Variants in MARCHF1 observed in about 807,000 individuals in gnomAD.
MARCHF1 encodes E3 ubiquitin-protein ligase MARCHF1.
A neutral mutation model predicts 54.2 loss-of-function variants in MARCHF1; 40 were observed. The observed-to-expected ratio is 0.74, with a 90% CI of 0.57 to 0.96. The LOEUF (loss-of-function observed/expected upper bound fraction) is 0.96, where lower values mean the gene tolerates loss of function less well. MARCHF1 is among the 40% of genes least tolerant of loss of function. The probability of loss-of-function intolerance (pLI) is 0.00; values close to 1 mark genes in which losing one functional copy is unlikely to be tolerated. For synonymous variants in MARCHF1, 236 were observed against 236.3 expected (o/e 1.00, Z 0.01); for missense variants, 586 against 656.5 (o/e 0.89, Z 1.17).
At chr4:163,699,242 C>A (rs966148011) in intron 5 of MARCHF1, among the ~76,000 whole-genome samples, 1 of 151,814 alleles carries the variant, frequency 6.6e-6, no homozygotes, top group Non-Finnish European at 1.5e-5. Context: ...GCATGTCTTG[C>A]AAGCACACAC....
rs544717637 is a variant in MARCHF1, at chr4:163,950,552, G to A, written c.-39+37949C>T. Among the ~76,000 whole-genome samples the A allele has an allele frequency of 4.6e-5, 7 of 152,306 alleles. No homozygotes were observed. In the South Asian group the frequency reaches 1.5e-3, roughly 32 times the overall value. Reference sequence around the variant, plus strand: ...AGCCCTGGCTAGACAGCGGTGCTCAGGAGGGTGGGGCTCCTGCCCCTCCCA... The same window carrying A: ...AGCCCTGGCTAGACAGCGGTGCTCAAGAGGGTGGGGCTCCTGCCCCTCCCA... On this transcript the variant is annotated intron_variant, in intron 3 of 9. Transcript: ENST00000514618.
chr4:164,000,649 AAAG>A (rs1279385307), intron 2 of MARCHF1, among the ~76,000 whole-genome samples: 3 of 151,724 alleles, frequency 2.0e-5, no homozygotes, highest in Admixed American at 1.3e-4. Flanking sequence ...AGGTTACATT[AAAG>A]AAGAAGGAAC....
chr4:163,788,321 A>G (rs763891995), intron 4 of MARCHF1, among the ~76,000 whole-genome samples: 4 of 152,050 alleles, frequency 2.6e-5, no homozygotes, highest in Non-Finnish European at 5.9e-5. Flanking sequence ...CTCTAATAGT[A>G]GCATTTTACC....
At chr4:163,609,705 CCTTTTTTATT>C (rs1741268358) in intron 7 of MARCHF1, among the ~76,000 whole-genome samples, 1 of 150,736 alleles carries the variant, frequency 6.6e-6, no homozygotes, top group Admixed American at 6.6e-5. Flanking sequence ...TGCCCTGGAA[CCTTTTTTATT>C]CTTAAAGGAA....
intron 4 of MARCHF1, among the ~76,000 whole-genome samples, chr4:163,790,978 A>T (rs974791439): frequency 6.6e-6 from 1 of 152,118 alleles, no homozygotes; most frequent in Non-Finnish European, 1.5e-5. Context: ...TTCCTTTGAC[A>T]TGTTTTTGAA....
intron 1 of MARCHF1, among the ~76,000 whole-genome samples, chr4:164,329,499 A>G (rs1480387895): frequency 1.3e-5 from 2 of 152,184 alleles, no homozygotes; most frequent in East Asian, 3.8e-4. Flanking sequence ...AGCCCCATCT[A>G]CTGATTGTAT....
intron 5 of MARCHF1, among the ~76,000 whole-genome samples, chr4:163,641,431 T>G (rs1742551920): frequency 6.6e-6 from 1 of 152,124 alleles, no homozygotes; most frequent in African/African-American, 2.4e-5. Context: ...AAATGAACTC[T>G]TGTGATATTC....
At chr4:163,681,765 C>T (rs1490080347) in intron 5 of MARCHF1, among the ~76,000 whole-genome samples, 1 of 152,158 alleles carries the variant, frequency 6.6e-6, no homozygotes, top group East Asian at 1.9e-4. Context: ...TATAAGTTAC[C>T]CAGTCTCAGG....
chr4:163,819,088 A>G (rs1226988429), intron 4 of MARCHF1, among the ~76,000 whole-genome samples: 1 of 152,076 alleles, frequency 6.6e-6, no homozygotes, highest in Non-Finnish European at 1.5e-5. Context: ...TTCTGCTTCA[A>G]CCATCCACCC....
At chr4:164,065,182 A>G (rs892830658) in intron 2 of MARCHF1, among the ~76,000 whole-genome samples, 4 of 152,194 alleles carry the variant, frequency 2.6e-5, no homozygotes, top group African/African-American at 9.7e-5. Context: ...GTTAGGGAGA[A>G]GTCCCTCCTT....
intron 1 of MARCHF1, among the ~76,000 whole-genome samples, chr4:164,312,319 C>CTTTTTTTTTTTT (rs34613860): frequency 9.7e-6 from 1 of 103,442 alleles, no homozygotes; most frequent in Non-Finnish European, 1.9e-5. Flanking sequence ...TTTTCTTTTT[C>CTTTTTTTTTTTT]TTTTTTTTTT....
intron 1 of MARCHF1, among the ~76,000 whole-genome samples, chr4:164,235,744 T>G (rs1435810954): frequency 6.6e-6 from 1 of 151,298 alleles, no homozygotes; most frequent in Non-Finnish European, 1.5e-5. Context: ...AGGGGAAGAG[T>G]GGGAGGGGCC....
intron 4 of MARCHF1, among the ~76,000 whole-genome samples, chr4:163,842,651 C>T (rs983966134): frequency 6.6e-6 from 1 of 152,060 alleles, no homozygotes; most frequent in African/African-American, 2.4e-5. Context: ...GAGTTGTTAA[C>T]GTGTCAGGTG....
chr4:163,688,454 A>G (rs892668508), intron 5 of MARCHF1, among the ~76,000 whole-genome samples: 1 of 152,196 alleles, frequency 6.6e-6, no homozygotes, highest in Admixed American at 6.5e-5. Flanking sequence ...CCTTTGAGTG[A>G]TCAATCTTTA....
At chr4:163,908,131 C>G (rs1176988885) in intron 3 of MARCHF1, among the ~76,000 whole-genome samples, 1 of 152,074 alleles carries the variant, frequency 6.6e-6, no homozygotes, top group Non-Finnish European at 1.5e-5. Context: ...TTGGTAATAT[C>G]CAGATAAAGA....
At chr4:164,041,706 G>T (rs982434882) in intron 2 of MARCHF1, among the ~76,000 whole-genome samples, 5 of 152,074 alleles carry the variant, frequency 3.3e-5, no homozygotes, top group Non-Finnish European at 7.3e-5. Flanking sequence ...TAACTGTTGT[G>T]CCCCACCACA....
At chr4:163,916,640 A>T (rs879630360) in intron 3 of MARCHF1, among the ~76,000 whole-genome samples, 9 of 152,080 alleles carry the variant, frequency 5.9e-5, no homozygotes, top group Non-Finnish European at 1.3e-4. Flanking sequence ...TCAGACAAAC[A>T]GTGCCGCATG....
chr4:164,014,907 A>G (rs1753503880), intron 2 of MARCHF1, among the ~76,000 whole-genome samples: 1 of 152,182 alleles, frequency 6.6e-6, no homozygotes, highest in Non-Finnish European at 1.5e-5. Flanking sequence ...CTAAAGAGAG[A>G]GAGAGATCTC....
Position 164,257,504 on chromosome 4 carries a change from C to T in MARCHF1, c.-323+126366G>A, listed in dbSNP as rs565000364. On this transcript the variant is annotated intron_variant, in intron 1 of 9. Transcript: ENST00000514618. ...CTAACACATTTGTTTTATATTTAGG[C>T]TAAATTACATTCTTATCTATTAACT... is the stretch of plus-strand genomic sequence containing the variant. Among the ~76,000 whole-genome samples the T allele has an allele frequency of 2.3e-4, 30 of 129,290 alleles. No homozygotes were observed. In the South Asian group the frequency reaches 7.0e-3, roughly 30 times the overall value. The allele number at this position is 129,290 out of a possible 152,430, so 84.8% of individuals were successfully genotyped here. A position where few individuals can be genotyped will look rare whatever the true frequency, so the allele number is the denominator to read the frequency against.
Sources: allele counts gnomAD v4.1 joint callset (sites outside exome capture counted in the v4.1 genomes callset), GRCh38; gene constraint gnomAD v4.1.1; transcripts MANE v1.5; gene names NCBI Gene and HGNC (gene_info 2026-07-23, HGNC 2026-07-21).